Variants in USP12 observed in about 807,000 individuals in gnomAD.
USP12 encodes ubiquitin specific peptidase 12, also known as ubiquitin carboxyl-terminal hydrolase 12.
In USP12, 19 loss-of-function variants were observed where a neutral mutation model predicts 45.5. The observed-to-expected ratio is 0.42, with a 90% CI of 0.29 to 0.61. The LOEUF is 0.61. USP12 is among the 20% of genes least tolerant of loss of function. USP12 has a pLI of 0.22. For missense variants in USP12, 242 were observed against 447.7 expected (o/e 0.54, Z 4.15); for synonymous variants, 149 against 148.8 (o/e 1.00, Z -0.01).
intron 1 of USP12, among the ~76,000 whole-genome samples, chr13:27,148,686 A>ATATC (rs1318477745): frequency 6.9e-6 from 1 of 145,798 alleles, no homozygotes; most frequent in South Asian, 2.1e-4. Context: ...TTATATATAT[A>ATATC]TATATAATAT....
rs769239299 is a variant in USP12 at position 27,116,546 on chromosome 13, C to T, written c.99G>A (p.Pro33=). ...CTAATCCAAAATAGTGCTCATTGACCGGAAACTGTTCTGGACCAATCTCTT... is the reference window on the plus strand; with the variant it reads ...CTAATCCAAAATAGTGCTCATTGACTGGAAACTGTTCTGGACCAATCTCTT... ...LEKEIGPEQF[P]VNEHYFGLVN... The change falls in exon 2 of 9, where the codon CCG becomes CCA. Residue 33 remains proline (P), a synonymous_variant. Coordinates refer to ENST00000282344, the MANE Select transcript of USP12 (RefSeq NM_182488.4). The T allele has an allele frequency of 1.7e-5, 28 of 1,613,040 alleles. No individual in the cohort carries two copies. The East Asian group carries it at 3.3e-4, about 19-fold the overall frequency.
Position 27,134,383 on chromosome 13 carries a change from A to G in USP12, c.49-17787T>C, listed in dbSNP as rs968048668. On this transcript the variant is annotated intron_variant, in intron 1 of 8. Coordinates refer to ENST00000282344, the MANE Select transcript of USP12 (RefSeq NM_182488.4). The stretch of plus-strand genomic sequence containing the variant: ...TATATTCTGAAAAGAGACACAGAAA[A>G]AAAGAGGAGAATAAGTCAGCAACTG... 3.3e-5 allele frequency among the ~76,000 whole-genome samples: 5 copies of G among 152,226 alleles called. No individual in the cohort carries two copies. The East Asian group carries it at 5.8e-4, about 18-fold the overall frequency.
At chr13:27,102,253 T>C (rs980730104) in intron 3 of USP12, among the ~76,000 whole-genome samples, 1 of 152,146 alleles carries the variant, frequency 6.6e-6, no homozygotes, top group African/African-American at 2.4e-5. Flanking sequence ...CACCATCCTA[T>C]GTTGTATTTC....
At chr13:27,073,937 TTAAG>T (rs1433316392) in intron 7 of USP12, among the ~76,000 whole-genome samples, 1 of 152,160 alleles carries the variant, frequency 6.6e-6, no homozygotes. Flanking sequence ...CCAAGGTTCT[TTAAG>T]TAATCTTGAC....
chr13:27,121,662 C>A (rs1271213833), intron 1 of USP12, among the ~76,000 whole-genome samples: 2 of 151,498 alleles, frequency 1.3e-5, no homozygotes, highest in Non-Finnish European at 2.9e-5. Context: ...GAAATCGAGA[C>A]CATCCTGGCT....
chr13:27,132,298 T>A (rs1421084643), intron 1 of USP12, among the ~76,000 whole-genome samples: 1 of 152,122 alleles, frequency 6.6e-6, no homozygotes, highest in Non-Finnish European at 1.5e-5. Context: ...GATTGGCTTA[T>A]GAAGTAGAGA....
rs184234396 is a variant in USP12 at position 27,155,591 on chromosome 13, T to C, written c.48+16001A>G. Reference sequence around the variant, plus strand: ...TTAGTTCATCTAATTTTCAGAATCCTGTGCCTAAGAATTTGAAGTTGCTTT... The same window carrying C: ...TTAGTTCATCTAATTTTCAGAATCCCGTGCCTAAGAATTTGAAGTTGCTTT... On this transcript the variant is annotated intron_variant, in intron 1 of 8. Transcript: ENST00000282344. 3.0e-4 allele frequency among the ~76,000 whole-genome samples: 46 copies of C among 152,360 alleles called. No homozygotes were observed. In the East Asian group the frequency reaches 8.9e-3, roughly 29 times the overall value.
At position 27,095,843 on chromosome 13, in the gene USP12, A is replaced by G. The variant is rs980607995; in HGVS notation, c.344-13T>C. 19 of 1,554,358 alleles carry G rather than the reference A, an allele frequency of 1.2e-5. No homozygotes were observed. Among genetic ancestry groups the G allele is most frequent in the Non-Finnish European group, 1.6e-5 (19 of 1,151,726 alleles). On this transcript the variant is annotated splice_polypyrimidine_tract_variant and intron_variant, in intron 3 of 8. Coordinates refer to ENST00000282344, the MANE Select transcript of USP12 (RefSeq NM_182488.4). ...TTGTCAAAAAGCTCTGAAAATAAAA[A>G]CATTATATTAGAGAATTATTTCAGA... is the stretch of plus-strand genomic sequence containing the variant.
At chr13:27,073,539 G>A (rs1700057073) in intron 7 of USP12, among the ~76,000 whole-genome samples, 1 of 152,078 alleles carries the variant, frequency 6.6e-6, no homozygotes, top group Non-Finnish European at 1.5e-5. Flanking sequence ...AGAGTGGGGA[G>A]GGGACCCCTC....
Position 27,066,728 on chromosome 13 carries a change from C to T in USP12, c.*2555G>A, listed in dbSNP as rs1341129601. ...TTATTCCAATATACAAAATATGGGA[C>T]AGCCATCCCAACAATCATGTACATA... On this transcript the variant is annotated 3_prime_UTR_variant, in exon 9 of 9. Transcript: ENST00000282344. 2 of 152,126 alleles carry T rather than the reference C, an allele frequency of 1.3e-5. No homozygotes were observed. Among genetic ancestry groups the T allele is most frequent in the Non-Finnish European group, 2.9e-5 (2 of 68,020 alleles). 9.4% of individuals were successfully genotyped at this position (152,126 alleles called of 1,614,324 possible).
intron 2 of USP12, 150 bp from the exon 3 acceptor site, chr13:27,106,094 T>C (rs1593186833): frequency 3.1e-6 from 2 of 646,088 alleles, no homozygotes; most frequent in Non-Finnish European, 4.8e-6. Context: ...CATTTTAAAA[T>C]ACAACTCTCA....
At chr13:27,098,409 C>T (rs554523926) in intron 3 of USP12, among the ~76,000 whole-genome samples, 13 of 150,594 alleles carry the variant, frequency 8.6e-5, no homozygotes, top group South Asian at 6.3e-4. Flanking sequence ...ATTTTAAAAA[C>T]TGGCAAAGGA....
intron 1 of USP12, among the ~76,000 whole-genome samples, chr13:27,153,855 A>G (rs1316651486): frequency 6.6e-6 from 1 of 152,180 alleles, no homozygotes; most frequent in African/African-American, 2.4e-5. Flanking sequence ...CTTCAGACTT[A>G]CAAGCAAAAT....
chr13:27,171,580 G>A lies in USP12; in HGVS notation c.48+12C>T. The A allele has an allele frequency of 4.0e-6, 5 of 1,235,496 alleles. No homozygotes were observed. Among genetic ancestry groups the A allele is most frequent in the Non-Finnish European group, 4.2e-6 (4 of 954,380 alleles). 76.5% of individuals were successfully genotyped at this position (1,235,496 alleles called of 1,614,324 possible). On this transcript the variant is annotated intron_variant, in intron 1 of 8. Coordinates refer to ENST00000282344, the MANE Select transcript of USP12 (RefSeq NM_182488.4). ...TCCCGGCAGCCCCGGCCGCCCGCTC[G>A]CCGCCACCTACCATGGTACAGATGG... is the stretch of plus-strand genomic sequence containing the variant.
chr13:27,146,081 T>C (rs934642464), intron 1 of USP12, among the ~76,000 whole-genome samples: 3 of 152,178 alleles, frequency 2.0e-5, no homozygotes, highest in Admixed American at 6.5e-5. Flanking sequence ...ACTTCTTTTA[T>C]AATCAATCAA....
intron 6 of USP12, chr13:27,078,072 AT>A (rs146983012): frequency 1.3e-5 from 2 of 152,096 alleles, no homozygotes; most frequent in East Asian, 1.9e-4. Context: ...ATTTAAATTT[AT>A]TTTTTTAATG....
intron 1 of USP12, among the ~76,000 whole-genome samples, chr13:27,169,804 CAG>C (rs1364267311): frequency 6.6e-6 from 1 of 152,184 alleles, no homozygotes; most frequent in Admixed American, 6.5e-5. Context: ...ACCAAGAAAA[CAG>C]GGGCTGCCCT....
chr13:27,102,903 C>T (rs1401766146), intron 3 of USP12, among the ~76,000 whole-genome samples: 1 of 152,250 alleles, frequency 6.6e-6, no homozygotes, highest in Non-Finnish European at 1.5e-5. Context: ...ACTCAGCTAG[C>T]ATCCATCCCA....
At position 27,163,217 on chromosome 13, in the gene USP12, A is replaced by G. The variant is rs986532399; in HGVS notation, c.48+8375T>C. ...TTACATTTCCTCAGGCTAAACACAC[A>G]CTTTAATAATCATTTTAATGTGAAT... On this transcript the variant is annotated intron_variant, in intron 1 of 8. Coordinates refer to ENST00000282344, the MANE Select transcript of USP12 (RefSeq NM_182488.4). Among the ~76,000 whole-genome samples, 6 of 152,272 alleles carry G rather than the reference A, an allele frequency of 3.9e-5. No individual in the cohort carries two copies. In the East Asian group the frequency reaches 1.2e-3, roughly 29 times the overall value.
Sources: allele counts gnomAD v4.1 joint callset (sites outside exome capture counted in the v4.1 genomes callset), GRCh38; gene constraint gnomAD v4.1.1; transcripts MANE v1.5; gene names NCBI Gene and HGNC (gene_info 2026-07-23, HGNC 2026-07-21).